GFOD1: variants seen among roughly 807,000 people sequenced by gnomAD.
The protein encoded by GFOD1 is Gfo/Idh/MocA-like oxidoreductase domain containing 1.
Under a neutral mutation model 25.4 loss-of-function variants are expected in GFOD1, and 9 were observed. That is an observed-to-expected ratio of 0.35 (90% CI 0.21 to 0.62). The LOEUF is 0.62. GFOD1 is among the 20% of genes least tolerant of loss of function. The pLI, the probability that GFOD1 is intolerant of heterozygous loss-of-function variation, is 0.72. For synonymous variants in GFOD1, 253 were observed against 245.6 expected (o/e 1.03, Z -0.28); for missense variants, 403 against 556.9 (o/e 0.72, Z 2.78).
At chr6:13,466,578 G>A (rs1758382957) in intron 1 of GFOD1, among the ~76,000 whole-genome samples, 1 of 152,182 alleles carries the variant, frequency 6.6e-6, no homozygotes, top group South Asian at 2.1e-4. Flanking sequence ...GTGGCCTCCT[G>A]TGAACTGTCC....
chr6:13,434,011 GCAC>G, intron 1 of GFOD1, among the ~76,000 whole-genome samples: 1 of 152,334 alleles, frequency 6.6e-6, no homozygotes, highest in Non-Finnish European at 1.5e-5. Context: ...GTCCTGAGAA[GCAC>G]CACAATTTAT....
intron 1 of GFOD1, among the ~76,000 whole-genome samples, chr6:13,446,098 A>G (rs1015953054): frequency 6.6e-6 from 1 of 152,232 alleles, no homozygotes; most frequent in Non-Finnish European, 1.5e-5. Flanking sequence ...CTGGAGTCTG[A>G]ACCAATTGTT....
chr6:13,414,485 G>A (rs1786131309), intron 1 of GFOD1, among the ~76,000 whole-genome samples: 1 of 152,198 alleles, frequency 6.6e-6, no homozygotes, highest in African/African-American at 2.4e-5. Flanking sequence ...AGCTATCTCT[G>A]GCCAGGCATG....
intron 1 of GFOD1, among the ~76,000 whole-genome samples, chr6:13,421,941 G>A (rs1786264336): frequency 6.6e-6 from 1 of 152,196 alleles, no homozygotes; most frequent in African/African-American, 2.4e-5. Flanking sequence ...TCTCCAGAAA[G>A]CACCACTGAG....
rs1758700847 is a variant in GFOD1 at position 13,479,438 on chromosome 6, T to G, written c.253+7200A>C. On this transcript the variant is annotated intron_variant, in intron 1 of 1. Coordinates refer to ENST00000379287, the MANE Select transcript of GFOD1 (RefSeq NM_018988.4). ...ACAGTAGTAACCTGTCAACCTTTCC[T>G]TTCATTGATGAGTGTTATGAAGCAC... 2.0e-5 allele frequency among the ~76,000 whole-genome samples: 3 copies of G among 152,214 alleles called. No homozygotes were observed. The South Asian group carries it at 6.2e-4, about 31-fold the overall frequency.
intron 1 of GFOD1, among the ~76,000 whole-genome samples, chr6:13,409,335 A>AAG (rs368635108): frequency 9.0e-5 from 13 of 143,688 alleles, no homozygotes; most frequent in Non-Finnish European, 1.5e-4. Flanking sequence ...GAAGGAGAGA[A>AAG]AGAGAGAGAG....
chr6:13,420,622 T>A (rs1448238648), intron 1 of GFOD1, among the ~76,000 whole-genome samples: 1 of 152,214 alleles, frequency 6.6e-6, no homozygotes, highest in Non-Finnish European at 1.5e-5. Flanking sequence ...TCAAAATGCA[T>A]CCAGTGAAAA....
At chr6:13,425,880 A>C (rs1315833793) in intron 1 of GFOD1, among the ~76,000 whole-genome samples, 1 of 151,198 alleles carries the variant, frequency 6.6e-6, no homozygotes, top group African/African-American at 2.4e-5. Context: ...AGGAAAAAAA[A>C]AAAAAGAAGA....
At chr6:13,372,388 G>A (rs565699955) in intron 1 of GFOD1, among the ~76,000 whole-genome samples, 1 of 152,268 alleles carries the variant, frequency 6.6e-6, no homozygotes, top group Admixed American at 6.5e-5. Flanking sequence ...AATATTCATG[G>A]CCCTCCTGAG....
chr6:13,463,904 A>C (rs1758336573), intron 1 of GFOD1, among the ~76,000 whole-genome samples: 1 of 152,174 alleles, frequency 6.6e-6, no homozygotes, highest in Non-Finnish European at 1.5e-5. Context: ...GGTCTTTTCT[A>C]GTTCCATCTG....
Position 13,360,917 on chromosome 6 carries a change from T to C in GFOD1, c.*3826A>G, listed in dbSNP as rs914098199. ...TGGTCTGGAGGAGAAGATTAAGGAT[T>C]TGAATGACCTCATTTCTGCCTAACA... On this transcript the variant is annotated 3_prime_UTR_variant, in exon 2 of 2. Transcript: ENST00000379287. The C allele has an allele frequency of 4.4e-6, 2 of 451,480 alleles. No homozygotes were observed. The highest frequency in any genetic ancestry group is 9.0e-6 in the Non-Finnish European group (2 of 223,186). 28.0% of individuals were successfully genotyped at this position (451,480 alleles called of 1,614,324 possible). A position where few individuals can be genotyped will look rare whatever the true frequency, so the allele number is the denominator to read the frequency against.
chr6:13,381,915 G>GTGCA lies in GFOD1; in HGVS notation c.254-16254_254-16253insTGCA, dbSNP rs1554199973. Among the ~76,000 whole-genome samples, 25 of 140,142 alleles carry GTGCA rather than the reference G, an allele frequency of 1.8e-4. No individual in the cohort carries two copies. The East Asian group carries it at 3.4e-3, about 19-fold the overall frequency. 91.9% of individuals were successfully genotyped at this position (140,142 alleles called of 152,430 possible). ...AGAAATAAAACACACACGCGCGCGC[G>GTGCA]CACACACACACACACACACACACAC... On this transcript the variant is annotated intron_variant, in intron 1 of 1. Coordinates refer to ENST00000379287, the MANE Select transcript of GFOD1 (RefSeq NM_018988.4).
At chr6:13,419,945 C>A (rs1428896444) in intron 1 of GFOD1, among the ~76,000 whole-genome samples, 3 of 152,210 alleles carry the variant, frequency 2.0e-5, no homozygotes, top group African/African-American at 7.2e-5. Flanking sequence ...GCCGGCCGGG[C>A]TTTGGGGCAA....
intron 1 of GFOD1, among the ~76,000 whole-genome samples, chr6:13,457,385 T>C (rs1863995): frequency 0.76 from 116,147 of 152,096 alleles, 44,623 homozygotes; most frequent in South Asian, 0.85. Flanking sequence ...AGAGAGCCAA[T>C]CAAGAAACTT....
intron 1 of GFOD1, among the ~76,000 whole-genome samples, chr6:13,369,122 C>T (rs1465289581): frequency 2.0e-5 from 3 of 152,186 alleles, no homozygotes; most frequent in South Asian, 2.1e-4. Flanking sequence ...TTGTTTAATG[C>T]TTAAGTCTCC....
At chr6:13,389,984 C>T (rs940574676) in intron 1 of GFOD1, among the ~76,000 whole-genome samples, 24 of 152,040 alleles carry the variant, frequency 1.6e-4, no homozygotes, top group African/African-American at 5.8e-4. Context: ...CCCCCGTGCA[C>T]ATTCCCACCT....
chr6:13,422,162 G>C (rs771986389), intron 1 of GFOD1, among the ~76,000 whole-genome samples: 1 of 151,874 alleles, frequency 6.6e-6, no homozygotes, highest in South Asian at 2.1e-4. Flanking sequence ...TCTTCTAATC[G>C]TGCCCTTTTC....
chr6:13,400,374 C>G (rs1451030457), intron 1 of GFOD1, among the ~76,000 whole-genome samples: 1 of 151,882 alleles, frequency 6.6e-6, no homozygotes, highest in Non-Finnish European at 1.5e-5. Flanking sequence ...CGGAAGCCAC[C>G]AAGATCCCAC....
intron 1 of GFOD1, chr6:13,470,472 T>C: frequency 6.5e-7 from 1 of 1,550,138 alleles, no homozygotes; most frequent in Non-Finnish European, 8.7e-7. Flanking sequence ...TTGAAACCTG[T>C]CCCCTGGGAC....
Sources: gnomAD v4.1 joint callset for allele counts (sites outside exome capture counted in the v4.1 genomes callset) on GRCh38, gnomAD v4.1.1 for gene constraint, MANE v1.5 for transcripts, NCBI Gene and HGNC (gene_info 2026-07-23, HGNC 2026-07-21) for gene names.